Variants in DOK6 observed in about 807,000 individuals in gnomAD.
DOK6 encodes downstream of tyrosine kinase 6.
Under a neutral mutation model 44.0 loss-of-function variants are expected in DOK6, and 22 were observed. That is an observed-to-expected ratio of 0.50 (90% CI 0.36 to 0.71). DOK6 has a LOEUF of 0.71. Ranked by LOEUF, DOK6 falls within the 30% of genes least tolerant of loss-of-function variation. The pLI is 0.00. For missense variants in DOK6, 340 were observed against 416.4 expected, an observed-to-expected ratio of 0.82 and a Z score of 1.60; for synonymous variants, 166 against 145.5, an observed-to-expected ratio of 1.14 and a Z score of -1.01.
At chr18:69,519,069 T>C (rs1362267993) in intron 1 of DOK6, among the ~76,000 whole-genome samples, 1 of 152,054 alleles carries the variant, frequency 6.6e-6, no homozygotes, top group Non-Finnish European at 1.5e-5. Context: ...TGTAGTTGGC[T>C]TTCAGAAATT....
chr18:69,598,627 T>C (rs1469906273), intron 2 of DOK6, among the ~76,000 whole-genome samples: 1 of 152,138 alleles, frequency 6.6e-6, no homozygotes, highest in African/African-American at 2.4e-5. Flanking sequence ...ATTATTGCAA[T>C]GTTGTGTTTG....
At chr18:69,536,695 AAGAT>A (rs1399946124) in intron 1 of DOK6, among the ~76,000 whole-genome samples, 2 of 152,120 alleles carry the variant, frequency 1.3e-5, no homozygotes, top group East Asian at 1.9e-4. Flanking sequence ...TAAACAATGA[AAGAT>A]AGAGATACAC....
chr18:69,440,167 C>T (rs1021017615), intron 1 of DOK6, among the ~76,000 whole-genome samples: 2 of 152,112 alleles, frequency 1.3e-5, no homozygotes, highest in African/African-American at 4.8e-5. Context: ...GACATCAGAA[C>T]ACACACAACA....
intron 3 of DOK6, among the ~76,000 whole-genome samples, chr18:69,612,245 G>T (rs1984160293): frequency 6.7e-6 from 1 of 149,668 alleles, no homozygotes; most frequent in Admixed American, 6.6e-5. Flanking sequence ...GAAGACAGTT[G>T]CGGAAAAAAT....
intron 1 of DOK6, among the ~76,000 whole-genome samples, chr18:69,416,781 A>G (rs2122399197): frequency 6.6e-6 from 1 of 152,252 alleles, no homozygotes; most frequent in East Asian, 1.9e-4. Context: ...AATCCAAGGG[A>G]CTGCATTTAT....
intron 3 of DOK6, among the ~76,000 whole-genome samples, chr18:69,665,596 C>A (rs1985636785): frequency 1.3e-5 from 2 of 152,154 alleles, no homozygotes; most frequent in Non-Finnish European, 2.9e-5. Flanking sequence ...AGCATGGGAG[C>A]ATACACTTTC....
intron 4 of DOK6, among the ~76,000 whole-genome samples, chr18:69,687,820 A>G (rs1022129609): frequency 2.0e-5 from 3 of 152,228 alleles, no homozygotes; most frequent in Admixed American, 6.5e-5. Context: ...AGGCAAAGAT[A>G]TCTTTCTCAT....
At chr18:69,812,685 G>A (rs975073521) in intron 7 of DOK6, among the ~76,000 whole-genome samples, 1 of 152,102 alleles carries the variant, frequency 6.6e-6, no homozygotes, top group Non-Finnish European at 1.5e-5. Flanking sequence ...CTGAGATTGG[G>A]TAATTTATTT....
rs1982360139 is a variant in DOK6, at chr18:69,847,050, T to G, written c.*5667T>G. ...CCTACCTTAAGATTTTAACATCTTG[T>G]AAATATTAATATTTGAAGGGGAGAG... On this transcript the variant is annotated 3_prime_UTR_variant, in exon 8 of 8. Coordinates refer to ENST00000382713, the MANE Select transcript of DOK6 (RefSeq NM_152721.6). 6.6e-6 allele frequency: 1 copy of G among 152,188 alleles called. No individual in the cohort carries two copies. The highest frequency in any genetic ancestry group is 2.4e-5 in the African/African-American group (1 of 41,444). The allele number at this position is 152,188 out of a possible 1,614,324, so 9.4% of individuals were successfully genotyped here.
At chr18:69,677,642 G>T (rs760327796) in intron 3 of DOK6, 92 bp from the exon 4 acceptor site, 10 of 1,592,740 alleles carry the variant, frequency 6.3e-6, no homozygotes, top group Admixed American at 3.4e-5. Context: ...CTTAACTCTT[G>T]CCAGTTACCT....
intron 1 of DOK6, among the ~76,000 whole-genome samples, chr18:69,439,076 A>C (rs1286444068): frequency 6.8e-6 from 1 of 147,782 alleles, no homozygotes; most frequent in Non-Finnish European, 1.5e-5. Flanking sequence ...AAAAACAAAC[A>C]AAAACAACAA....
intron 7 of DOK6, among the ~76,000 whole-genome samples, chr18:69,825,780 A>C (rs1981724902): frequency 6.6e-6 from 1 of 152,148 alleles, no homozygotes; most frequent in South Asian, 2.1e-4. Flanking sequence ...GTAAAACGTA[A>C]AGAGATAACA....
At chr18:69,839,931 A>G (rs1180177383) in intron 7 of DOK6, among the ~76,000 whole-genome samples, 2 of 151,908 alleles carry the variant, frequency 1.3e-5, no homozygotes, top group African/African-American at 4.8e-5. Flanking sequence ...ATCTAAAACA[A>G]CTTTTTTTTT....
intron 4 of DOK6, among the ~76,000 whole-genome samples, chr18:69,683,132 T>A (rs923552003): frequency 6.6e-6 from 1 of 151,490 alleles, no homozygotes; most frequent in African/African-American, 2.4e-5. Context: ...ATTTTATCTA[T>A]GGGATGACCC....
At chr18:69,824,315 G>A (rs574243773) in intron 7 of DOK6, among the ~76,000 whole-genome samples, 15 of 148,660 alleles carry the variant, frequency 1.0e-4, no homozygotes, top group African/African-American at 1.2e-4. Flanking sequence ...TTGTCCTTGC[G>A]ATAGTTTGCT....
chr18:69,630,723 G>A (rs757798931), intron 3 of DOK6, among the ~76,000 whole-genome samples: 1 of 152,158 alleles, frequency 6.6e-6, no homozygotes, highest in Non-Finnish European at 1.5e-5. Flanking sequence ...GGATTTATTT[G>A]TTCTTTGTTG....
Position 69,833,348 on chromosome 18 carries a change from T to C in DOK6, c.857-7896T>C, listed in dbSNP as rs75463302. 2.3e-3 allele frequency among the ~76,000 whole-genome samples: 357 copies of C among 152,248 alleles called. 3 individuals are homozygous for C. The highest frequency in any genetic ancestry group is 8.1e-3 in the African/African-American group (337 of 41,552). ...GCTTAATAAATGGTGCTGAGAAAAC[T>C]GGTTATTTATACACAGAATTAAACT... On this transcript the variant is annotated intron_variant, in intron 7 of 7. Coordinates refer to ENST00000382713, the MANE Select transcript of DOK6 (RefSeq NM_152721.6).
intron 1 of DOK6, among the ~76,000 whole-genome samples, chr18:69,402,134 G>A (rs2122375597): frequency 6.6e-6 from 1 of 152,248 alleles, no homozygotes; most frequent in South Asian, 2.1e-4. Context: ...AGAGGATGGA[G>A]GGATGGGCAG....
At chr18:69,776,153 T>C (rs1980055547) in intron 7 of DOK6, among the ~76,000 whole-genome samples, 1 of 151,910 alleles carries the variant, frequency 6.6e-6, no homozygotes, top group African/African-American at 2.4e-5. Context: ...ATGAAAAAAG[T>C]TTCTAAGGAA....
Sources: gnomAD v4.1 joint callset for allele counts (sites outside exome capture counted in the v4.1 genomes callset) on GRCh38, gnomAD v4.1.1 for gene constraint, MANE v1.5 for transcripts, NCBI Gene and HGNC (gene_info 2026-07-23, HGNC 2026-07-21) for gene names.